ST8SIA1: variants seen among roughly 807,000 people sequenced by gnomAD.
The protein encoded by ST8SIA1 is ST8 alpha-N-acetyl-neuraminide alpha-2,8-sialyltransferase 1.
Under a neutral mutation model 35.9 loss-of-function variants are expected in ST8SIA1, and 16 were observed. The ratio of observed to expected loss-of-function variants is 0.45; its 90% CI spans 0.30 to 0.68. ST8SIA1 has a LOEUF of 0.68. Ranked by LOEUF, ST8SIA1 falls within the 30% of genes least tolerant of loss-of-function variation. ST8SIA1 has a pLI of 0.09. For synonymous variants in ST8SIA1, 170 were observed against 169.6 expected (o/e 1.00, Z -0.02); for missense variants, 383 against 453.6 (o/e 0.84, Z 1.41).
In ST8SIA1 at chr12:22,196,175, C is replaced by G. The variant is rs1864985573; in HGVS notation, c.*5377G>C. Reference sequence around the variant, plus strand: ...AGTTAGAGTCATAGGCTTTGATTATCTGGCAAATGCTCGCAGGCATGTAAG... The same window carrying G: ...AGTTAGAGTCATAGGCTTTGATTATGTGGCAAATGCTCGCAGGCATGTAAG... On this transcript the variant is annotated 3_prime_UTR_variant, in exon 5 of 5. Coordinates refer to ENST00000396037, the MANE Select transcript of ST8SIA1 (RefSeq NM_003034.4). 6.6e-6 allele frequency: 1 copy of G among 152,166 alleles called. No homozygotes were observed. The highest frequency in any genetic ancestry group is 1.5e-5 in the Non-Finnish European group (1 of 68,032). 9.4% of individuals were successfully genotyped at this position (152,166 alleles called of 1,614,324 possible). A position where few individuals can be genotyped will look rare whatever the true frequency, so the allele number is the denominator to read the frequency against.
At chr12:22,322,039 A>G (rs1244535905) in intron 1 of ST8SIA1, among the ~76,000 whole-genome samples, 1 of 152,226 alleles carries the variant, frequency 6.6e-6, no homozygotes, top group African/African-American at 2.4e-5. Flanking sequence ...CACATGTTGC[A>G]TAGGTTAGCA....
chr12:22,311,260 C>T (rs1316047160), intron 1 of ST8SIA1, among the ~76,000 whole-genome samples: 1 of 152,092 alleles, frequency 6.6e-6, no homozygotes, highest in South Asian at 2.1e-4. Flanking sequence ...AGCAAATTAT[C>T]CCAGCACATC....
At chr12:22,306,345 C>T (rs1015100910) in intron 1 of ST8SIA1, among the ~76,000 whole-genome samples, 3 of 152,070 alleles carry the variant, frequency 2.0e-5, no homozygotes, top group Non-Finnish European at 2.9e-5. Flanking sequence ...AGGGTTCACA[C>T]CTTATTCTTT....
rs565616417 is a variant in ST8SIA1 at position 22,299,587 on chromosome 12, A to G, written c.237-12294T>C. Among the ~76,000 whole-genome samples the G allele has an allele frequency of 5.1e-4, 78 of 152,254 alleles. 2 individuals carry two copies. The highest frequency in any genetic ancestry group is 1.8e-3 in the African/African-American group (76 of 41,562). On this transcript the variant is annotated intron_variant, in intron 1 of 4. Coordinates refer to ENST00000396037, the MANE Select transcript of ST8SIA1 (RefSeq NM_003034.4). ...TTATTAAAAAAATTTTTATATGATCAAGTTGTCTATAATTAAAGGGAAATT... is the reference window on the plus strand; with the variant it reads ...TTATTAAAAAAATTTTTATATGATCGAGTTGTCTATAATTAAAGGGAAATT...
chr12:22,266,271 A>G (rs938044237), intron 2 of ST8SIA1, among the ~76,000 whole-genome samples: 1 of 151,944 alleles, frequency 6.6e-6, no homozygotes, highest in Non-Finnish European at 1.5e-5. Flanking sequence ...AAACTCAAGC[A>G]GACAAGAGGC....
intron 1 of ST8SIA1, among the ~76,000 whole-genome samples, chr12:22,313,011 TAC>T (rs1256301255): frequency 6.6e-6 from 1 of 152,184 alleles, no homozygotes; most frequent in African/African-American, 2.4e-5. Context: ...CTGTAAAATT[TAC>T]AGTTTAAATA....
At chr12:22,254,192 T>A (rs7959390) in intron 3 of ST8SIA1, among the ~76,000 whole-genome samples, 4 of 152,150 alleles carry the variant, frequency 2.6e-5, no homozygotes, top group Admixed American at 2.0e-4. Flanking sequence ...TCAGAGTCTA[T>A]CCTCAAGGCT....
intron 4 of ST8SIA1, among the ~76,000 whole-genome samples, chr12:22,225,992 C>T (rs1865352966): frequency 6.6e-6 from 1 of 152,100 alleles, no homozygotes; most frequent in Admixed American, 6.5e-5. Context: ...GGAATATTTA[C>T]CAGCACACCG....
intron 1 of ST8SIA1, among the ~76,000 whole-genome samples, chr12:22,295,086 A>AC (rs1208246359): frequency 1.3e-5 from 2 of 152,288 alleles, no homozygotes; most frequent in Admixed American, 6.5e-5. Flanking sequence ...GGGCAGAGGT[A>AC]GGGGGGACAC....
At chr12:22,322,958 TA>T (rs1333670977) in intron 1 of ST8SIA1, among the ~76,000 whole-genome samples, 1 of 152,352 alleles carries the variant, frequency 6.6e-6, no homozygotes, top group Non-Finnish European at 1.5e-5. Flanking sequence ...TATCATGAAG[TA>T]AAAGTTCATT....
intron 1 of ST8SIA1, among the ~76,000 whole-genome samples, chr12:22,289,562 AACCC>A (rs1400290665): frequency 1.3e-5 from 2 of 152,370 alleles, no homozygotes; most frequent in Admixed American, 1.3e-4. Flanking sequence ...TTCTCACAGT[AACCC>A]ATGAGCTGGA....
intron 1 of ST8SIA1, among the ~76,000 whole-genome samples, chr12:22,333,379 A>G (rs1486810382): frequency 2.0e-5 from 3 of 152,222 alleles, no homozygotes; most frequent in Non-Finnish European, 1.5e-5. Flanking sequence ...TAAAGAATCA[A>G]TTTGTGGTCA....
intron 2 of ST8SIA1, among the ~76,000 whole-genome samples, chr12:22,276,339 G>A (rs995418718): frequency 2.6e-5 from 4 of 152,146 alleles, no homozygotes; most frequent in Admixed American, 1.3e-4. Flanking sequence ...GTGAACACTC[G>A]GGATTTTTCT....
chr12:22,298,732 GGCAGGC>G (rs1475902722), intron 1 of ST8SIA1, among the ~76,000 whole-genome samples: 1 of 152,174 alleles, frequency 6.6e-6, no homozygotes. Context: ...AAAACAGTCA[GGCAGGC>G]ACTGCCACCT....
chr12:22,285,877 C>CAAAAAAAAAAAAAAAAAAAAAAAAAA, intron 2 of ST8SIA1, among the ~76,000 whole-genome samples: 1 of 103,630 alleles, frequency 9.6e-6, no homozygotes, highest in Non-Finnish European at 1.9e-5. Context: ...CTGTCAAAAA[C>CAAAAAAAAAAAAAAAAAAAAAAAAAA]AAAAAAAAAA....
At chr12:22,250,446 G>A (rs2120754000) in intron 3 of ST8SIA1, among the ~76,000 whole-genome samples, 1 of 152,270 alleles carries the variant, frequency 6.6e-6, no homozygotes, top group South Asian at 2.1e-4. Context: ...CTATGAAAAT[G>A]CCAAATGCGC....
chr12:22,231,927 T>C (rs1344799819), intron 4 of ST8SIA1, among the ~76,000 whole-genome samples: 2 of 152,210 alleles, frequency 1.3e-5, no homozygotes, highest in African/African-American at 4.8e-5. Context: ...GTGTGTTGAC[T>C]AAGTTTAAAG....
intron 2 of ST8SIA1, among the ~76,000 whole-genome samples, chr12:22,257,718 G>A (rs544607970): frequency 4.6e-5 from 7 of 152,130 alleles, no homozygotes; most frequent in Admixed American, 1.3e-4. Flanking sequence ...AAGCGAGGCA[G>A]AAGAGGGAGG....
rs372748886 is a variant in ST8SIA1, at chr12:22,260,874, G to T, written c.382-5485C>A. On this transcript the variant is annotated intron_variant, in intron 2 of 4. Transcript: ENST00000396037. The stretch of plus-strand genomic sequence containing the variant: ...AATTTCAAAGATTTATATAGTTGTT[G>T]TTTTTTTTTTTTTTTTTTTTGAGAC... Among the ~76,000 whole-genome samples, 113 of 114,328 alleles carry T rather than the reference G, an allele frequency of 9.9e-4. 2 individuals carry two copies. Among genetic ancestry groups the T allele is most frequent in the East Asian group, 1.3e-3 (5 of 3,718 alleles). The allele number at this position is 114,328 out of a possible 152,430, so 75.0% of individuals were successfully genotyped here. A position where few individuals can be genotyped will look rare whatever the true frequency, so the allele number is the denominator to read the frequency against.
Sources: gnomAD v4.1 joint callset for allele counts (sites outside exome capture counted in the v4.1 genomes callset) on GRCh38, gnomAD v4.1.1 for gene constraint, MANE v1.5 for transcripts, NCBI Gene and HGNC (gene_info 2026-07-23, HGNC 2026-07-21) for gene names.